The following LARGE1 variants were observed in gnomAD, a reference collection of about 807,000 sequenced individuals.
The protein encoded by LARGE1 is LARGE xylosyl- and glucuronyltransferase 1.
In LARGE1, 43 loss-of-function variants were observed where a neutral mutation model predicts 87.6. The ratio of observed to expected loss-of-function variants is 0.49; its 90% CI spans 0.38 to 0.63. LARGE1 has a LOEUF of 0.63. Among genes scored for constraint, LARGE1 ranks in the 30% least tolerant of loss-of-function variants. The pLI, the probability that LARGE1 is intolerant of heterozygous loss-of-function variation, is 0.00. For missense variants in LARGE1, 802 were observed against 1,000.2 expected (o/e 0.80, Z 2.67); for synonymous variants, 434 against 394.6 (o/e 1.10, Z -1.18).
chr22:33,610,020 G>A (rs1352938860), intron 4 of LARGE1, among the ~76,000 whole-genome samples: 1 of 152,072 alleles, frequency 6.6e-6, no homozygotes, highest in Non-Finnish European at 1.5e-5. Context: ...GTCCCTAGAA[G>A]CCAAGCAGAT....
chr22:33,452,507 A>C (rs1175447025), intron 6 of LARGE1, among the ~76,000 whole-genome samples: 1 of 152,212 alleles, frequency 6.6e-6, no homozygotes, highest in Non-Finnish European at 1.5e-5. Flanking sequence ...GGGCCACATA[A>C]AGAGGCTGTT....
intron 10 of LARGE1, among the ~76,000 whole-genome samples, chr22:33,326,107 A>C (rs959442051): frequency 2.6e-5 from 4 of 152,166 alleles, no homozygotes; most frequent in Non-Finnish European, 1.5e-5. Context: ...TTTTTTACTA[A>C]GGAAACCAAA....
intron 6 of LARGE1, among the ~76,000 whole-genome samples, chr22:33,494,150 C>G (rs1481386449): frequency 6.6e-6 from 1 of 152,168 alleles, no homozygotes; most frequent in Non-Finnish European, 1.5e-5. Flanking sequence ...CTGTATAAAG[C>G]TGTGCTGAGA....
intron 2 of LARGE1, among the ~76,000 whole-genome samples, chr22:33,687,634 C>T (rs1056338510): frequency 2.0e-5 from 3 of 152,072 alleles, no homozygotes; most frequent in Non-Finnish European, 2.9e-5. Flanking sequence ...GGCTGACACA[C>T]CCCAGCAGGT....
At chr22:33,328,315 C>T (rs1269356277) in intron 10 of LARGE1, among the ~76,000 whole-genome samples, 1 of 152,180 alleles carries the variant, frequency 6.6e-6, no homozygotes, top group Non-Finnish European at 1.5e-5. Flanking sequence ...ACAGCAGTGG[C>T]TCGCGCCTGT....
At chr22:33,306,149 G>A (rs575828198) in intron 11 of LARGE1, among the ~76,000 whole-genome samples, 1 of 152,224 alleles carries the variant, frequency 6.6e-6, no homozygotes, top group South Asian at 2.1e-4. Flanking sequence ...TGGCCGACCA[G>A]AGCCATTTCT....
chr22:33,566,524 C>G (rs2078030662), intron 5 of LARGE1, among the ~76,000 whole-genome samples: 1 of 152,152 alleles, frequency 6.6e-6, no homozygotes, highest in Non-Finnish European at 1.5e-5. Flanking sequence ...AGCTGTGGAC[C>G]TTTGTGGTGA....
At chr22:33,641,703 A>T (rs1213230423) in intron 3 of LARGE1, among the ~76,000 whole-genome samples, 2 of 152,228 alleles carry the variant, frequency 1.3e-5, no homozygotes, top group Non-Finnish European at 2.9e-5. Flanking sequence ...GACCTGATGG[A>T]GCTGAAAAAC....
chr22:33,121,803 G>C, the LARGE1 span, among the ~76,000 whole-genome samples: 1 of 152,200 alleles, frequency 6.6e-6, no homozygotes, highest in Admixed American at 6.5e-5. Context: ...TGGCTGGGGA[G>C]GCCTCACTCA....
downstream of LARGE1, among the ~76,000 whole-genome samples, chr22:33,161,201 G>C (rs1452436594): frequency 6.6e-6 from 1 of 152,026 alleles, no homozygotes; most frequent in Admixed American, 6.6e-5. Flanking sequence ...GAACAGCATG[G>C]GGGTAACTGC....
chr22:33,716,586 C>G (rs1024615021), intron 2 of LARGE1, among the ~76,000 whole-genome samples: 2 of 152,148 alleles, frequency 1.3e-5, no homozygotes, highest in African/African-American at 4.8e-5. Flanking sequence ...TTTGTAGAGA[C>G]AGGTTTTCAC....
intron 1 of LARGE1, among the ~76,000 whole-genome samples, chr22:33,810,197 C>T (rs1359590852): frequency 2.0e-5 from 3 of 152,150 alleles, no homozygotes; most frequent in Non-Finnish European, 2.9e-5. Context: ...ATAGGTATTG[C>T]TGTTTTCACG....
chr22:33,514,232 T>C (rs1486686882), intron 6 of LARGE1, among the ~76,000 whole-genome samples: 1 of 151,916 alleles, frequency 6.6e-6, no homozygotes, highest in Admixed American at 6.6e-5. Context: ...GATGACTGTG[T>C]GTGTATACAT....
At chr22:33,252,176 C>A (rs1397945097) in intron 11 of LARGE1, among the ~76,000 whole-genome samples, 3 of 151,936 alleles carry the variant, frequency 2.0e-5, no homozygotes, top group East Asian at 1.9e-4. Flanking sequence ...ATCAAATAAA[C>A]CTTTGATAAC....
At chr22:33,506,840 G>T (rs2070787696) in intron 6 of LARGE1, among the ~76,000 whole-genome samples, 2 of 152,226 alleles carry the variant, frequency 1.3e-5, no homozygotes, top group Admixed American at 1.3e-4. Flanking sequence ...GGCGGAGGTT[G>T]CAGTGAGCCG....
chr22:33,778,941 G>A (rs111444712), intron 1 of LARGE1, among the ~76,000 whole-genome samples: 1,936 of 152,186 alleles, frequency 0.013, 49 homozygotes, highest in African/African-American at 0.045. Flanking sequence ...GTGAGCCACC[G>A]CACCCAGCCT....
At chr22:33,756,123 TG>T (rs370646790) in intron 2 of LARGE1, among the ~76,000 whole-genome samples, 5 of 152,152 alleles carry the variant, frequency 3.3e-5, no homozygotes, top group African/African-American at 1.2e-4. Context: ...CAGTATAGGT[TG>T]GGGAAAAAAC....
chr22:33,357,343 ACT>A (rs777364294), intron 9 of LARGE1, among the ~76,000 whole-genome samples: 1 of 149,184 alleles, frequency 6.7e-6, no homozygotes, highest in African/African-American at 2.5e-5. Context: ...GACATTGGAG[ACT>A]CTGAAGGCTG....
chr22:33,582,116 T>C (rs949835397), intron 5 of LARGE1, among the ~76,000 whole-genome samples: 1 of 152,138 alleles, frequency 6.6e-6, no homozygotes, highest in Non-Finnish European at 1.5e-5. Context: ...ACACTTTTGG[T>C]TGTCATGACT....
Sources: gnomAD v4.1 joint callset for allele counts (sites outside exome capture counted in the v4.1 genomes callset) on GRCh38, gnomAD v4.1.1 for gene constraint, MANE v1.5 for transcripts, NCBI Gene and HGNC (gene_info 2026-07-23, HGNC 2026-07-21) for gene names.